Variants in PPA2 observed in about 807,000 individuals in gnomAD.
PPA2 encodes inorganic pyrophosphatase 2, mitochondrial.
Under a neutral mutation model 49.5 loss-of-function variants are expected in PPA2, and 48 were observed. That is an observed-to-expected ratio of 0.97 (90% CI 0.77 to 1.23). The LOEUF (loss-of-function observed/expected upper bound fraction) is 1.23. PPA2 is among the 50% of genes most tolerant of loss of function. The probability of loss-of-function intolerance (pLI) is 0.00; values close to 1 mark genes in which losing one functional copy is unlikely to be tolerated. For missense variants in PPA2, 429 were observed against 410.1 expected (o/e 1.05, Z -0.40); for synonymous variants, 131 against 139.9 (o/e 0.94, Z 0.45).
At chr4:105,453,515 C>A in intron 3 of PPA2, 83 bp downstream of exon 3, 1 of 1,083,586 alleles carries the variant, frequency 9.2e-7, no homozygotes, top group Admixed American at 2.9e-5. Flanking sequence ...ACCTTAGAAT[C>A]ATTTTACAAA....
chr4:105,465,047 TTC>T (rs1374464104), intron 1 of PPA2, among the ~76,000 whole-genome samples: 3 of 152,186 alleles, frequency 2.0e-5, no homozygotes, highest in Non-Finnish European at 2.9e-5. Flanking sequence ...TATCAAAAAT[TTC>T]TCTTAGATAA....
At chr4:105,435,267 T>C (rs1723996100) in intron 6 of PPA2, among the ~76,000 whole-genome samples, 1 of 152,334 alleles carries the variant, frequency 6.6e-6, no homozygotes, top group East Asian at 1.9e-4. Flanking sequence ...ATTTATTTCA[T>C]ATTTAGTAAG....
At chr4:105,370,665 G>A in intron 11 of PPA2, 172 bp downstream of exon 11, 1 of 941,426 alleles carries the variant, frequency 1.1e-6, no homozygotes, top group Non-Finnish European at 1.3e-6. Context: ...CTTATTTTCT[G>A]AGTTAGAAAA....
Position 105,449,216 on chromosome 4 carries a change from C to CAAA in PPA2, c.321+131_321+133dup, listed in dbSNP as rs576525217. ...TGGGCGACAGAGCGAGACTCCGTCT[C>CAAA]AAAAAAAAAAAAAAAAAAAAAAAAA... On this transcript the variant is annotated intron_variant, in intron 4 of 11. Coordinates refer to ENST00000341695, the MANE Select transcript of PPA2 (RefSeq NM_176869.3). The CAAA allele has an allele frequency of 7.9e-5, 16 of 202,984 alleles. 1 individual carries two copies. Among genetic ancestry groups the CAAA allele is most frequent in the Admixed American group, 2.8e-4 (2 of 7,104 alleles). 12.6% of individuals were successfully genotyped at this position (202,984 alleles called of 1,614,324 possible). A position where few individuals can be genotyped will look rare whatever the true frequency, so the allele number is the denominator to read the frequency against.
intron 5 of PPA2, 26 bp downstream of exon 5, chr4:105,446,357 T>G: frequency 6.5e-7 from 1 of 1,533,652 alleles, no homozygotes; most frequent in Non-Finnish European, 8.8e-7. Flanking sequence ...GACAGGAACA[T>G]TTTACCATTG....
intron 3 of PPA2, among the ~76,000 whole-genome samples, chr4:105,453,328 AT>A: frequency 6.6e-6 from 1 of 152,208 alleles, no homozygotes; most frequent in East Asian, 1.9e-4. Flanking sequence ...GGTGATGAGG[AT>A]TCCACAACAA....
intron 7 of PPA2, among the ~76,000 whole-genome samples, chr4:105,419,139 TTTTTGTTTTG>T (rs143208606): frequency 0.18 from 27,167 of 150,376 alleles, 2,793 homozygotes; most frequent in African/African-American, 0.29. Context: ...GTGCTCTGTT[TTTTTGTTTTG>T]TTTTGTTTTG....
intron 5 of PPA2, among the ~76,000 whole-genome samples, chr4:105,438,822 G>A (rs538414031): frequency 6.6e-6 from 1 of 152,270 alleles, no homozygotes; most frequent in South Asian, 2.1e-4. Flanking sequence ...AAGGGATACA[G>A]AGACCGTCAT....
intron 10 of PPA2, among the ~76,000 whole-genome samples, chr4:105,385,080 G>A (rs1030979633): frequency 6.6e-5 from 10 of 151,908 alleles, no homozygotes; most frequent in African/African-American, 2.2e-4. Context: ...CTCTTCCTTC[G>A]CTTGACCTTA....
rs190297840 is a variant in PPA2, at chr4:105,397,036, A to T, written c.784-702T>A. On this transcript the variant is annotated intron_variant, in intron 8 of 11. Coordinates refer to ENST00000341695, the MANE Select transcript of PPA2 (RefSeq NM_176869.3). ...AATAGATATACCTCTTGTTGGATAT[A>T]CATCCAGTAAGAATATCTAAGGAAA... Among the ~76,000 whole-genome samples, 5 of 152,348 alleles carry T rather than the reference A, an allele frequency of 3.3e-5. No individual in the cohort carries two copies. In the East Asian group the frequency reaches 9.6e-4, roughly 29 times the overall value.
At chr4:105,457,014 A>G (rs571236980) in intron 1 of PPA2, among the ~76,000 whole-genome samples, 19 of 152,274 alleles carry the variant, frequency 1.2e-4, no homozygotes, top group Non-Finnish European at 2.5e-4. Flanking sequence ...GAAAATATCT[A>G]CAATAGACTA....
At chr4:105,431,803 C>T (rs1723811250) in intron 6 of PPA2, among the ~76,000 whole-genome samples, 1 of 152,088 alleles carries the variant, frequency 6.6e-6, no homozygotes, top group African/African-American at 2.4e-5. Context: ...CTCAAAAGCA[C>T]ACTAAGTGAA....
At chr4:105,451,406 C>A (rs1252103377) in intron 3 of PPA2, among the ~76,000 whole-genome samples, 2 of 152,160 alleles carry the variant, frequency 1.3e-5, no homozygotes, top group Non-Finnish European at 2.9e-5. Context: ...AGATAAACAA[C>A]AAAGCTGAGA....
rs775664145 is a variant in PPA2, at chr4:105,424,315, G to T, written c.536C>A (p.Ser179Tyr). 15 of 1,587,382 alleles carry T rather than the reference G, an allele frequency of 9.4e-6. No individual in the cohort carries two copies. The highest frequency in any genetic ancestry group is 1.9e-5 in the Admixed American group (1 of 51,578). Reference sequence around the variant, plus strand: ...CTTCACATGAATAACTTCTCCACAAGAAAGAATCTTTAAAGAAAAAAGAAA... The same window carrying T: ...CTTCACATGAATAACTTCTCCACAATAAAGAATCTTTAAAGAAAAAAGAAA... ...DVCEIGSKIL[S>Y]CGEVIHVKIL... is the part of the protein sequence containing the mutation. Residue 179 changes from serine (S) to tyrosine (Y), a missense_variant, in exon 7 of 12, where the codon TCT (serine) becomes TAT (tyrosine). Coordinates refer to ENST00000341695, the MANE Select transcript of PPA2 (RefSeq NM_176869.3).
chr4:105,428,510 C>T (rs1194613392), intron 6 of PPA2, among the ~76,000 whole-genome samples: 2 of 138,832 alleles, frequency 1.4e-5, no homozygotes, highest in African/African-American at 2.7e-5. Context: ...GGAAGATCTA[C>T]CAAGCAAATG....
chr4:105,425,723 T>TACAC (rs59144523), intron 6 of PPA2, among the ~76,000 whole-genome samples: 5,688 of 122,440 alleles, frequency 0.046, 148 homozygotes, highest in Middle Eastern at 0.07. Context: ...CACATGCACA[T>TACAC]ACACACACAC....
intron 9 of PPA2, among the ~76,000 whole-genome samples, chr4:105,393,681 A>G (rs1294424867): frequency 6.6e-6 from 1 of 151,948 alleles, no homozygotes; most frequent in Non-Finnish European, 1.5e-5. Context: ...CAATTTCCCT[A>G]GTTAATTCTG....
intron 9 of PPA2, among the ~76,000 whole-genome samples, chr4:105,388,955 T>A (rs189797322): frequency 1.3e-5 from 2 of 152,286 alleles, no homozygotes; most frequent in South Asian, 4.1e-4. Context: ...ACAAAGTTCC[T>A]TCTATTTATC....
chr4:105,421,420 T>G (rs1398540157), intron 7 of PPA2, among the ~76,000 whole-genome samples: 2 of 152,206 alleles, frequency 1.3e-5, no homozygotes, highest in African/African-American at 4.8e-5. Context: ...TTCTGAGTTT[T>G]TATTTCCATG....
Sources: gnomAD v4.1 joint callset for allele counts (sites outside exome capture counted in the v4.1 genomes callset) on GRCh38, gnomAD v4.1.1 for gene constraint, MANE v1.5 for transcripts, NCBI Gene and HGNC (gene_info 2026-07-23, HGNC 2026-07-21) for gene names.